The following SH3BGRL2 variants were observed in gnomAD, a reference collection of about 807,000 sequenced individuals.
SH3BGRL2 encodes SH3 domain-binding glutamic acid-rich-like protein 2.
Under a neutral mutation model 14.8 loss-of-function variants are expected in SH3BGRL2, and 21 were observed. The ratio of observed to expected loss-of-function variants is 1.42; its 90% confidence interval spans 1.01 to 2.05. The LOEUF (loss-of-function observed/expected upper bound fraction) is 2.05. SH3BGRL2 is among the 30% of genes most tolerant of loss of function. SH3BGRL2 has a pLI of 0.00. For missense variants in SH3BGRL2, 147 were observed against 130.8 expected (o/e 1.12, Z -0.61); for synonymous variants, 50 against 47.8 (o/e 1.05, Z -0.19).
At chr6:79,609,223 C>CA in the SH3BGRL2 span, among the ~76,000 whole-genome samples, 14 of 152,196 alleles carry the variant, frequency 9.2e-5, no homozygotes, top group South Asian at 2.9e-3. Flanking sequence ...TGCTGATAGT[C>CA]AAAGTCATTA....
chr6:79,582,816 G>A, the SH3BGRL2 span, among the ~76,000 whole-genome samples: 416 of 152,162 alleles, frequency 2.7e-3, 1 homozygote, highest in Non-Finnish European at 4.5e-3. Flanking sequence ...ACTTCTGCAC[G>A]GCAAAAGAAA....
chr6:79,696,633 G>A lies in SH3BGRL2; in HGVS notation c.312+68G>A, dbSNP rs905599750. The A allele has an allele frequency of 2.8e-5, 34 of 1,213,010 alleles. No homozygotes were observed. The African/African-American group carries it at 5.3e-4, about 19-fold the overall frequency. 75.1% of individuals were successfully genotyped at this position (1,213,010 alleles called of 1,614,324 possible). A position where few individuals can be genotyped will look rare whatever the true frequency, so the allele number is the denominator to read the frequency against. On this transcript the variant is annotated intron_variant, in intron 3 of 3. Coordinates refer to ENST00000369838, the MANE Select transcript of SH3BGRL2 (RefSeq NM_031469.4). ...TTTGAATTTTTCTTAGAGATGTAGA[G>A]TGACGGTGTTAGAGGAATGCATATA...
chr6:79,696,827 A>G (rs1770341938), intron 3 of SH3BGRL2, among the ~76,000 whole-genome samples: 1 of 152,114 alleles, frequency 6.6e-6, no homozygotes, highest in Non-Finnish European at 1.5e-5. Context: ...TCCTCCAAGA[A>G]TTTAAGGTAG....
the SH3BGRL2 span, among the ~76,000 whole-genome samples, chr6:79,547,558 T>C: frequency 8.5e-5 from 13 of 152,156 alleles, no homozygotes; most frequent in Admixed American, 3.3e-4. Context: ...CGTAAGAAGC[T>C]GGATCCATTC....
chr6:79,657,808 G>A (rs1259961034), intron 1 of SH3BGRL2, among the ~76,000 whole-genome samples: 1 of 151,906 alleles, frequency 6.6e-6, no homozygotes, highest in Admixed American at 6.6e-5. Context: ...ATTTTAATTT[G>A]CTTCTAGTAT....
chr6:79,585,839 C>A, the SH3BGRL2 span, among the ~76,000 whole-genome samples: 5,341 of 151,870 alleles, frequency 0.035, 207 homozygotes, highest in South Asian at 0.18. Flanking sequence ...AGCCCACGAG[C>A]TACATGTGGC....
chr6:79,589,246 G>A, the SH3BGRL2 span, among the ~76,000 whole-genome samples: 1 of 149,176 alleles, frequency 6.7e-6, no homozygotes, highest in Non-Finnish European at 1.5e-5. Flanking sequence ...ACCTGTGGAT[G>A]TGAAATCTGT....
At chr6:79,544,170 A>G in the SH3BGRL2 span, among the ~76,000 whole-genome samples, 6 of 152,160 alleles carry the variant, frequency 3.9e-5, no homozygotes, top group African/African-American at 1.4e-4. Context: ...ATTAAAAACC[A>G]TGGCTTTTCA....
intron 2 of SH3BGRL2, among the ~76,000 whole-genome samples, chr6:79,682,574 A>T (rs555756678): frequency 4.7e-5 from 7 of 149,272 alleles, no homozygotes; most frequent in African/African-American, 1.7e-4. Context: ...TGACAAGATG[A>T]TTATTATATG....
At chr6:79,616,628 A>G in the SH3BGRL2 span, among the ~76,000 whole-genome samples, 1 of 152,180 alleles carries the variant, frequency 6.6e-6, no homozygotes, top group Non-Finnish European at 1.5e-5. Flanking sequence ...GATTTTTCTG[A>G]CTTCAGAGCT....
At chr6:79,548,660 G>C in the SH3BGRL2 span, among the ~76,000 whole-genome samples, 1 of 152,130 alleles carries the variant, frequency 6.6e-6, no homozygotes, top group Non-Finnish European at 1.5e-5. Context: ...CTAGCACCTA[G>C]AACAGGGCCC....
chr6:79,680,910 A>G (rs1213969109), intron 2 of SH3BGRL2, among the ~76,000 whole-genome samples: 1 of 151,994 alleles, frequency 6.6e-6, no homozygotes, highest in Non-Finnish European at 1.5e-5. Context: ...TTGTGTGTTG[A>G]TTTTGTATCC....
At chr6:79,570,896 A>G in the SH3BGRL2 span, among the ~76,000 whole-genome samples, 1 of 152,250 alleles carries the variant, frequency 6.6e-6, no homozygotes. Context: ...AAAGGAGATT[A>G]GCTTTAACGA....
chr6:79,554,421 A>G, the SH3BGRL2 span, among the ~76,000 whole-genome samples: 1 of 152,194 alleles, frequency 6.6e-6, no homozygotes, highest in Admixed American at 6.5e-5. Context: ...GCTTCTCTTG[A>G]CAAATCTACT....
the SH3BGRL2 span, among the ~76,000 whole-genome samples, chr6:79,612,671 T>A: frequency 6.6e-6 from 1 of 152,316 alleles, no homozygotes; most frequent in African/African-American, 2.4e-5. Context: ...ACAATCTTCC[T>A]CTCTAATTAA....
intron 1 of SH3BGRL2, among the ~76,000 whole-genome samples, chr6:79,638,736 G>A (rs933373907): frequency 6.6e-6 from 1 of 152,064 alleles, no homozygotes; most frequent in African/African-American, 2.4e-5. Flanking sequence ...TTGGCCATTT[G>A]TATGTCTTCT....
intron 3 of SH3BGRL2, among the ~76,000 whole-genome samples, chr6:79,699,287 A>G (rs1339628933): frequency 6.6e-6 from 1 of 152,000 alleles, no homozygotes; most frequent in Non-Finnish European, 1.5e-5. Flanking sequence ...TTCCACTTTT[A>G]TATTTGGCAG....
At chr6:79,590,424 G>GATTGAT in the SH3BGRL2 span, among the ~76,000 whole-genome samples, 17 of 66,684 alleles carry the variant, frequency 2.5e-4, 1 homozygote, top group African/African-American at 1.2e-3. Flanking sequence ...AAGAAAATGT[G>GATTGAT]ATATATATAT....
At chr6:79,619,066 G>A in the SH3BGRL2 span, among the ~76,000 whole-genome samples, 1 of 151,748 alleles carries the variant, frequency 6.6e-6, no homozygotes, top group Admixed American at 6.6e-5. Flanking sequence ...TTTTTAACAG[G>A]TAAAACATGT....
Sources: allele counts gnomAD v4.1 joint callset (sites outside exome capture counted in the v4.1 genomes callset), GRCh38; gene constraint gnomAD v4.1.1; transcripts MANE v1.5; gene names NCBI Gene and HGNC (gene_info 2026-07-23, HGNC 2026-07-21).